RNF125: variants seen among roughly 807,000 people sequenced by gnomAD.
The protein encoded by RNF125 is E3 ubiquitin-protein ligase RNF125.
A neutral mutation model predicts 26.0 loss-of-function variants in RNF125; 21 were observed. The ratio of observed to expected loss-of-function variants is 0.81; its 90% CI spans 0.57 to 1.16. The LOEUF is 1.16. RNF125 is among the 50% of genes most tolerant of loss of function. RNF125 has a pLI of 0.00. For synonymous variants in RNF125, 95 were observed against 109.2 expected (o/e 0.87, Z 0.81); for missense variants, 270 against 299.4 (o/e 0.90, Z 0.72).
intron 4 of RNF125, among the ~76,000 whole-genome samples, chr18:32,050,081 A>C (rs1241325550): frequency 1.3e-5 from 2 of 152,124 alleles, no homozygotes; most frequent in Non-Finnish European, 2.9e-5. Flanking sequence ...CATCTGACTT[A>C]CCTCACATAA....
chr18:32,085,588 C>A, the RNF125 span, among the ~76,000 whole-genome samples: 1 of 150,134 alleles, frequency 6.7e-6, no homozygotes, highest in Non-Finnish European at 1.5e-5. Context: ...GTAATCTCAG[C>A]TACTTGGGAG....
chr18:32,077,159 A>G (rs1249255994), downstream of RNF125, among the ~76,000 whole-genome samples: 1 of 152,084 alleles, frequency 6.6e-6, no homozygotes, highest in East Asian at 1.9e-4. Flanking sequence ...TACTGATGAT[A>G]TATACACATA....
At chr18:32,068,244 G>A (rs899428619) in intron 5 of RNF125, 54 bp from the exon 6 acceptor site, 5 of 1,004,822 alleles carry the variant, frequency 5.0e-6, no homozygotes, top group Non-Finnish European at 7.8e-6. Flanking sequence ...TCATCCTCTA[G>A]TTTCTGAAAT....
rs143999325 is a variant in RNF125 at position 32,048,694 on chromosome 18, T to C, written c.504+2962T>C. Among the ~76,000 whole-genome samples, 17 of 152,238 alleles carry C rather than the reference T, an allele frequency of 1.1e-4. No individual in the cohort carries two copies. In the East Asian group the frequency reaches 2.9e-3, roughly 26 times the overall value. ...GAGAAAAGCATGCAGAGATATTTGT[T>C]ATTGATCTTAATGGCCTAGGGAGTT... On this transcript the variant is annotated intron_variant, in intron 4 of 5. Coordinates refer to ENST00000217740, the MANE Select transcript of RNF125 (RefSeq NM_017831.4).
chr18:32,026,993 AAAC>A (rs2039042980), intron 1 of RNF125, among the ~76,000 whole-genome samples: 1 of 152,278 alleles, frequency 6.6e-6, no homozygotes, highest in Admixed American at 6.5e-5. Flanking sequence ...AGACAGAGGA[AAAC>A]AACAGCTGGA....
At chr18:32,045,526 A>C in intron 3 of RNF125, 116 bp from the exon 4 acceptor site, 1 of 542,556 alleles carries the variant, frequency 1.8e-6, no homozygotes. Flanking sequence ...ATGCCACTGC[A>C]CTCCAGCCTG....
intron 2 of RNF125, among the ~76,000 whole-genome samples, chr18:32,038,083 C>G (rs1384357524): frequency 1.5e-5 from 2 of 133,854 alleles, no homozygotes; most frequent in Non-Finnish European, 3.1e-5. Context: ...GAGTCTTGCT[C>G]TGTCGCCCAG....
intron 4 of RNF125, among the ~76,000 whole-genome samples, chr18:32,048,041 T>C (rs1033339924): frequency 1.3e-5 from 2 of 151,868 alleles, no homozygotes; most frequent in African/African-American, 4.8e-5. Context: ...GGTGGGAGGA[T>C]TGCTTGAGCC....
intron 4 of RNF125, among the ~76,000 whole-genome samples, chr18:32,049,878 T>TA (rs1326966940): frequency 6.6e-6 from 1 of 152,036 alleles, no homozygotes; most frequent in Non-Finnish European, 1.5e-5. Context: ...AGGGGACAGA[T>TA]ATGTGGTATA....
chr18:32,057,356 C>T (rs1329135447), intron 4 of RNF125, among the ~76,000 whole-genome samples: 7 of 144,398 alleles, frequency 4.8e-5, no homozygotes, highest in African/African-American at 1.0e-4. Flanking sequence ...TTTTCTGAGA[C>T]GGAGTTTTGC....
At chr18:32,066,161 A>T (rs2039483644) in intron 5 of RNF125, 152 bp downstream of exon 5, 2 of 515,282 alleles carry the variant, frequency 3.9e-6, no homozygotes, top group Admixed American at 3.1e-5. Context: ...TGAAAATAGA[A>T]TGTTTTGGCC....
chr18:32,044,786 T>C (rs919874507), intron 3 of RNF125, among the ~76,000 whole-genome samples: 4 of 152,192 alleles, frequency 2.6e-5, no homozygotes, highest in Non-Finnish European at 5.9e-5. Flanking sequence ...CATATAACTA[T>C]GTGCATCAGC....
At chr18:32,031,484 GGGAAAAAAAAAA>G (rs1468761661) in intron 1 of RNF125, 1 of 79,094 alleles carries the variant, frequency 1.3e-5, no homozygotes, top group Non-Finnish European at 2.1e-5. Context: ...CTCAAATTGT[GGGAAAAAAAAAA>G]AAAAAAAAAA....
At chr18:32,090,631 T>A in the RNF125 span, among the ~76,000 whole-genome samples, 18 of 152,224 alleles carry the variant, frequency 1.2e-4, no homozygotes, top group African/African-American at 4.3e-4. Flanking sequence ...ATTATAGCCA[T>A]CGTTTAATGC....
chr18:32,080,574 T>C, the RNF125 span, among the ~76,000 whole-genome samples: 6 of 152,168 alleles, frequency 3.9e-5, 1 homozygote, highest in Non-Finnish European at 8.8e-5. Context: ...CTTAGAATGG[T>C]AGTTGAAAGT....
At chr18:32,079,066 A>G in the RNF125 span, among the ~76,000 whole-genome samples, 1 of 152,150 alleles carries the variant, frequency 6.6e-6, no homozygotes. Context: ...CCTTGAGGGC[A>G]AAGGTTGGGA....
At chr18:32,057,594 C>T (rs558128957) in intron 4 of RNF125, among the ~76,000 whole-genome samples, 4 of 152,052 alleles carry the variant, frequency 2.6e-5, no homozygotes, top group South Asian at 4.1e-4. Flanking sequence ...CTCAGCCTCC[C>T]AAAATGCTGG....
intron 4 of RNF125, among the ~76,000 whole-genome samples, chr18:32,058,504 C>G (rs1039847524): frequency 1.3e-5 from 2 of 151,972 alleles, no homozygotes; most frequent in Non-Finnish European, 2.9e-5. Context: ...TGTGACCACA[C>G]CCAGCTAATT....
chr18:32,044,846 C>T (rs573179921), intron 3 of RNF125, among the ~76,000 whole-genome samples: 7 of 151,552 alleles, frequency 4.6e-5, no homozygotes, highest in Non-Finnish European at 8.8e-5. Context: ...GCAGTCCGGG[C>T]GAGGTGGCTC....
Sources: allele counts gnomAD v4.1 joint callset (sites outside exome capture counted in the v4.1 genomes callset), GRCh38; gene constraint gnomAD v4.1.1; transcripts MANE v1.5; gene names NCBI Gene and HGNC (gene_info 2026-07-23, HGNC 2026-07-21).